The following RFX3 variants were observed in gnomAD, a reference collection of about 807,000 sequenced individuals.
The protein encoded by RFX3 is transcription factor RFX3.
A neutral mutation model predicts 98.6 loss-of-function variants in RFX3; 14 were observed. The ratio of observed to expected loss-of-function variants is 0.14; its 90% CI spans 0.09 to 0.22. The LOEUF (loss-of-function observed/expected upper bound fraction) is 0.22. Among genes scored for constraint, RFX3 ranks in the 10% least tolerant of loss-of-function variants. The pLI is 1.00. For missense variants in RFX3, 639 were observed against 926.9 expected, an observed-to-expected ratio of 0.69 and a Z score of 4.03; for synonymous variants, 383 against 328.4, an observed-to-expected ratio of 1.17 and a Z score of -1.80.
At chr9:3,332,818 C>A (rs952539700) in intron 3 of RFX3, among the ~76,000 whole-genome samples, 1 of 152,178 alleles carries the variant, frequency 6.6e-6, no homozygotes, top group Non-Finnish European at 1.5e-5. Flanking sequence ...TTCTGCTTCA[C>A]TACATAAGGA....
intron 2 of RFX3, among the ~76,000 whole-genome samples, chr9:3,354,477 CA>C (rs1835516522): frequency 1.3e-5 from 2 of 151,270 alleles, no homozygotes; most frequent in Non-Finnish European, 3.0e-5. Context: ...ATTAAGCAGA[CA>C]AAAAAAGATA....
intron 5 of RFX3, among the ~76,000 whole-genome samples, chr9:3,296,594 A>G (rs1310363904): frequency 1.3e-5 from 2 of 152,074 alleles, no homozygotes; most frequent in Non-Finnish European, 2.9e-5. Context: ...TAGTTTGAAA[A>G]ATGGTACAAG....
intron 2 of RFX3, among the ~76,000 whole-genome samples, chr9:3,353,062 C>A (rs908363411): frequency 6.6e-6 from 1 of 151,848 alleles, no homozygotes; most frequent in African/African-American, 2.4e-5. Context: ...ATGGATGAAA[C>A]TGGAAATCAT....
chr9:3,244,548 C>T (rs1820383456), intron 15 of RFX3, among the ~76,000 whole-genome samples: 2 of 152,162 alleles, frequency 1.3e-5, no homozygotes, highest in African/African-American at 4.8e-5. Flanking sequence ...AGGAAAACTT[C>T]CCCTTGGCTG....
chr9:3,258,776 A>G (rs1050589822), intron 13 of RFX3, among the ~76,000 whole-genome samples: 4 of 151,962 alleles, frequency 2.6e-5, no homozygotes, highest in South Asian at 2.1e-4. Flanking sequence ...TTTCACATGC[A>G]TATAGAAATA....
intron 4 of RFX3, among the ~76,000 whole-genome samples, chr9:3,315,405 C>A (rs1205516913): frequency 2.0e-5 from 3 of 152,174 alleles, no homozygotes; most frequent in African/African-American, 7.2e-5. Context: ...GCACTAAATG[C>A]CCACAAGAGA....
chr9:3,477,345 C>T (rs370602412), intron 1 of RFX3, among the ~76,000 whole-genome samples: 1 of 152,138 alleles, frequency 6.6e-6, no homozygotes, highest in Non-Finnish European at 1.5e-5. Context: ...TCATTTCAAC[C>T]TGAAAGACTC....
At chr9:3,353,196 G>T (rs1835360667) in intron 2 of RFX3, among the ~76,000 whole-genome samples, 3 of 145,102 alleles carry the variant, frequency 2.1e-5, no homozygotes. Context: ...GGGGACTGTT[G>T]TGGGGTAGGG....
At chr9:3,488,721 T>C in intron 1 of RFX3, 1 of 944,854 alleles carries the variant, frequency 1.1e-6, no homozygotes, top group Non-Finnish European at 1.3e-6. Context: ...CTTATATCCA[T>C]AAAATTGTAG....
At chr9:3,475,681 G>A (rs1849181817) in intron 1 of RFX3, among the ~76,000 whole-genome samples, 1 of 152,212 alleles carries the variant, frequency 6.6e-6, no homozygotes, top group Non-Finnish European at 1.5e-5. Context: ...CTGCCTAAAA[G>A]GCAGAGCCAG....
At chr9:3,253,901 T>C (rs1821760110) in intron 14 of RFX3, among the ~76,000 whole-genome samples, 1 of 152,168 alleles carries the variant, frequency 6.6e-6, no homozygotes, top group Non-Finnish European at 1.5e-5. Flanking sequence ...TTACTCAATA[T>C]GTTCTTATGT....
At chr9:3,435,445 C>G (rs781489295) in intron 1 of RFX3, among the ~76,000 whole-genome samples, 30 of 151,778 alleles carry the variant, frequency 2.0e-4, no homozygotes, top group Non-Finnish European at 4.1e-4. Flanking sequence ...ACACATTAAC[C>G]TAGGCCTACA....
At chr9:3,282,632 T>C (rs1235249368) in intron 7 of RFX3, among the ~76,000 whole-genome samples, 1 of 151,790 alleles carries the variant, frequency 6.6e-6, no homozygotes, top group Non-Finnish European at 1.5e-5. Flanking sequence ...CATGAATTTC[T>C]TCATTGAGTC....
intron 2 of RFX3, among the ~76,000 whole-genome samples, chr9:3,358,339 T>C (rs755011115): frequency 1.3e-5 from 2 of 152,144 alleles, no homozygotes; most frequent in Non-Finnish European, 2.9e-5. Flanking sequence ...AGATCCCATT[T>C]GGTTTCAGCC....
At chr9:3,445,019 A>T (rs1845920191) in intron 1 of RFX3, among the ~76,000 whole-genome samples, 1 of 152,196 alleles carries the variant, frequency 6.6e-6, no homozygotes, top group South Asian at 2.1e-4. Flanking sequence ...GATAGTTTGT[A>T]CTTGGGGAGA....
At chr9:3,442,816 C>T (rs1404946533) in intron 1 of RFX3, among the ~76,000 whole-genome samples, 1 of 152,090 alleles carries the variant, frequency 6.6e-6, no homozygotes, top group Non-Finnish European at 1.5e-5. Flanking sequence ...ATATTTTTGG[C>T]ATTTATTTTG....
At chr9:3,307,366 G>A (rs1191615473) in intron 4 of RFX3, among the ~76,000 whole-genome samples, 1 of 152,026 alleles carries the variant, frequency 6.6e-6, no homozygotes, top group Non-Finnish European at 1.5e-5. Flanking sequence ...CTTGAGAAAG[G>A]GAATTAATCT....
At chr9:3,366,334 A>G (rs747999015) in intron 2 of RFX3, among the ~76,000 whole-genome samples, 1 of 152,140 alleles carries the variant, frequency 6.6e-6, no homozygotes, top group Non-Finnish European at 1.5e-5. Context: ...TTTGCACTTA[A>G]CAATACATCT....
chr9:3,409,343 G>T (rs544340793), intron 1 of RFX3, among the ~76,000 whole-genome samples: 1 of 152,226 alleles, frequency 6.6e-6, no homozygotes. Flanking sequence ...TGTTGCTTCC[G>T]TTTTAAGTAA....
Sources: allele counts gnomAD v4.1 joint callset (sites outside exome capture counted in the v4.1 genomes callset), GRCh38; gene constraint gnomAD v4.1.1; transcripts MANE v1.5; gene names NCBI Gene and HGNC (gene_info 2026-07-23, HGNC 2026-07-21).